PPP2CB: variants seen among roughly 807,000 people sequenced by gnomAD.
PPP2CB encodes serine/threonine-protein phosphatase 2A catalytic subunit beta isoform.
In PPP2CB, 18 loss-of-function variants were observed where a neutral mutation model predicts 39.1. The ratio of observed to expected loss-of-function variants is 0.46; its 90% CI spans 0.32 to 0.68. The LOEUF is 0.68. PPP2CB is among the 30% of genes least tolerant of loss of function. PPP2CB has a pLI of 0.04. For synonymous variants in PPP2CB, 129 were observed against 133.8 expected (o/e 0.96, Z 0.25); for missense variants, 226 against 396.9 (o/e 0.57, Z 3.66).
In PPP2CB at chr8:30,796,480, T is replaced by A. The variant is rs976453226; in HGVS notation, c.486+1101A>T. 2.0e-5 allele frequency among the ~76,000 whole-genome samples: 3 copies of A among 152,264 alleles called. No individual in the cohort carries two copies. The South Asian group carries it at 6.2e-4, about 32-fold the overall frequency. On this transcript the variant is annotated intron_variant, in intron 3 of 6. Coordinates refer to ENST00000221138, the MANE Select transcript of PPP2CB (RefSeq NM_001009552.2). ...ACTGCAACCTCTGTCTCTCTCAGGT[T>A]CAAGTGATTCTCCTGCCTCAGCCTC... is the stretch of plus-strand genomic sequence containing the variant.
At position 30,812,388 on chromosome 8, in the gene PPP2CB, G is replaced by C. The variant is rs1806852161; in HGVS notation, c.34C>G (p.Gln12Glu). The change falls in exon 1 of 7, where the codon CAG becomes GAG. Residue 12 changes from glutamine (Q) to glutamate (E), a missense_variant. By Grantham distance (29) the Gln-to-Glu change is conservative. Coordinates refer to ENST00000221138, the MANE Select transcript of PPP2CB (RefSeq NM_001009552.2). The part of the protein sequence containing the change: ...DDKAFTKELD[Q>E]WVEQLNECKQ... ...CACTCGTTCAGCTGCTCGACCCACT[G>C]GTCCAGCTCCTTGGTGAACGCCTTG... The C allele has an allele frequency of 5.2e-6, 8 of 1,549,136 alleles. No individual in the cohort carries two copies. The highest frequency in any genetic ancestry group is 7.0e-6 in the Non-Finnish European group (8 of 1,143,848).
intron 6 of PPP2CB, among the ~76,000 whole-genome samples, chr8:30,786,662 C>CT (rs35450368): frequency 0.025 from 3,218 of 127,728 alleles, 78 homozygotes; most frequent in Middle Eastern, 0.044. Context: ...AATAATATCA[C>CT]TTTTTTTTTT....
intron 1 of PPP2CB, among the ~76,000 whole-genome samples, chr8:30,802,990 A>C (rs1253078124): frequency 6.6e-6 from 1 of 152,232 alleles, no homozygotes; most frequent in African/African-American, 2.4e-5. Flanking sequence ...GCAGAAACTT[A>C]GTGACATAAA....
intron 1 of PPP2CB, among the ~76,000 whole-genome samples, chr8:30,808,922 C>CTTTT (rs34287210): frequency 8.6e-6 from 1 of 116,762 alleles, no homozygotes; most frequent in African/African-American, 3.8e-5. Flanking sequence ...TTTACATGGC[C>CTTTT]TTTTTTTTTT....
chr8:30,789,526 C>G (rs890683737), intron 6 of PPP2CB, among the ~76,000 whole-genome samples: 2 of 152,158 alleles, frequency 1.3e-5, no homozygotes, highest in Non-Finnish European at 2.9e-5. Flanking sequence ...ATTTTGGCTT[C>G]CCATTCAGCC....
rs552116309 is a variant in PPP2CB at position 30,798,510 on chromosome 8, A to G, written c.313-756T>C. Among the ~76,000 whole-genome samples, 7 of 152,358 alleles carry G rather than the reference A, an allele frequency of 4.6e-5. No individual in the cohort carries two copies. The South Asian group carries it at 1.0e-3, about 23-fold the overall frequency. Reference sequence around the variant, plus strand: ...TGGGCAGCATTTTTGTTAACAGATTACATGTACGATGTTGGCTGGAGCAAG... The same window carrying G: ...TGGGCAGCATTTTTGTTAACAGATTGCATGTACGATGTTGGCTGGAGCAAG... On this transcript the variant is annotated intron_variant, in intron 2 of 6. Coordinates refer to ENST00000221138, the MANE Select transcript of PPP2CB (RefSeq NM_001009552.2).
rs1421655077 is a variant in PPP2CB, at chr8:30,791,622, C to G, written c.739-307G>C. The G allele has an allele frequency of 5.3e-5, 10 of 189,278 alleles. No homozygotes were observed. In the East Asian group the frequency reaches 1.3e-3, roughly 25 times the overall value. 11.7% of individuals were successfully genotyped at this position (189,278 alleles called of 1,614,324 possible). A position where few individuals can be genotyped will look rare whatever the true frequency, so the allele number is the denominator to read the frequency against. On this transcript the variant is annotated intron_variant, in intron 5 of 6. Transcript: ENST00000221138. ...CATAATTAATTTCTCAATTTTCCCTCATGAATTATGCCAATTTTTTCTTTA... is the reference window on the plus strand; with the variant it reads ...CATAATTAATTTCTCAATTTTCCCTGATGAATTATGCCAATTTTTTCTTTA...
chr8:30,812,779 C>G lies in PPP2CB; in HGVS notation c.-358G>C, dbSNP rs948644428. On this transcript the variant is annotated 5_prime_UTR_variant, in exon 1 of 7. Coordinates refer to ENST00000221138, the MANE Select transcript of PPP2CB (RefSeq NM_001009552.2). Reference sequence around the variant, plus strand: ...CCGCTGCCGCTTCAGGCCCGCCTCACGCCTACCGGCCTCTCCCGACTTGTC... The same window carrying G: ...CCGCTGCCGCTTCAGGCCCGCCTCAGGCCTACCGGCCTCTCCCGACTTGTC... The G allele has an allele frequency of 4.3e-6, 2 of 466,652 alleles. No homozygotes were observed. Among genetic ancestry groups the G allele is most frequent in the Non-Finnish European group, 8.6e-6 (2 of 233,602 alleles). The allele number at this position is 466,652 out of a possible 1,614,324, so 28.9% of individuals were successfully genotyped here.
At chr8:30,794,760 A>T (rs1238771868) in intron 3 of PPP2CB, among the ~76,000 whole-genome samples, 4 of 152,094 alleles carry the variant, frequency 2.6e-5, no homozygotes, top group Non-Finnish European at 5.9e-5. Context: ...ATGCCACTGT[A>T]CCCAGCTGTC....
intron 1 of PPP2CB, 149 bp downstream of exon 1, chr8:30,812,171 C>G: frequency 2.5e-6 from 1 of 401,424 alleles, no homozygotes. Flanking sequence ...ATGGGCCGGC[C>G]GCCTAGGTGG....
intron 6 of PPP2CB, 95 bp from the exon 7 acceptor site, chr8:30,786,402 C>T: frequency 9.8e-7 from 1 of 1,015,298 alleles, no homozygotes; most frequent in Non-Finnish European, 1.5e-6. Context: ...AACAGCAGTC[C>T]TGCTTTCCCA....
intron 1 of PPP2CB, among the ~76,000 whole-genome samples, chr8:30,807,598 A>C (rs1301465527): frequency 2.0e-5 from 3 of 152,238 alleles, no homozygotes; most frequent in African/African-American, 4.8e-5. Context: ...ACATTGGCTG[A>C]ATTTCCCTCC....
At chr8:30,798,292 A>G (rs1279060824) in intron 2 of PPP2CB, among the ~76,000 whole-genome samples, 1 of 152,258 alleles carries the variant, frequency 6.6e-6, no homozygotes, top group African/African-American at 2.4e-5. Context: ...TCTATTAAAA[A>G]ACATAAGCGA....
intron 1 of PPP2CB, among the ~76,000 whole-genome samples, chr8:30,809,731 G>A (rs1806791682): frequency 6.6e-6 from 1 of 152,090 alleles, no homozygotes; most frequent in Admixed American, 6.6e-5. Flanking sequence ...ACTTGAGCCC[G>A]AGAGTTCGAG....
Position 30,793,905 on chromosome 8 carries a change from G to GA in PPP2CB, c.738+11dup, listed in dbSNP as rs1339234907. 1.2e-6 allele frequency: 2 copies of GA among 1,603,780 alleles called. No homozygotes were observed. Among genetic ancestry groups the GA allele is most frequent in the Non-Finnish European group, 1.7e-6 (2 of 1,175,796 alleles). ...TCTGAAATAAAGATCATTCTGTCAG[G>GA]AAAGTACATACCTCCATTACAAGCT... On this transcript the variant is annotated intron_variant, in intron 5 of 6. Transcript: ENST00000221138.
chr8:30,789,049 C>CT (rs5890534), intron 6 of PPP2CB, among the ~76,000 whole-genome samples: 11,185 of 136,984 alleles, frequency 0.082, 587 homozygotes, highest in Admixed American at 0.19. Flanking sequence ...GATGTTTTTA[C>CT]TTTTTTTTTT....
chr8:30,794,716 C>T (rs1806491149), intron 3 of PPP2CB, among the ~76,000 whole-genome samples: 1 of 152,192 alleles, frequency 6.6e-6, no homozygotes, highest in African/African-American at 2.4e-5. Flanking sequence ...AATCCTCCTG[C>T]CTCAGCCTCC....
chr8:30,789,886 C>T (rs887269461), intron 6 of PPP2CB, among the ~76,000 whole-genome samples: 4 of 152,144 alleles, frequency 2.6e-5, no homozygotes, highest in African/African-American at 4.8e-5. Context: ...GGGAGGACCA[C>T]GCTCTCTCTG....
chr8:30,794,331 C>T (rs1806484996), intron 3 of PPP2CB, 50 bp from the exon 4 acceptor site: 4 of 1,443,562 alleles, frequency 2.8e-6, no homozygotes, highest in East Asian at 2.3e-5. Flanking sequence ...TAACTCCAAA[C>T]AGTTAACAAA....
Sources: gnomAD v4.1 joint callset for allele counts (sites outside exome capture counted in the v4.1 genomes callset) on GRCh38, gnomAD v4.1.1 for gene constraint, MANE v1.5 for transcripts, NCBI Gene and HGNC (gene_info 2026-07-23, HGNC 2026-07-21) for gene names.